ADAM10: variants seen among roughly 807,000 people sequenced by gnomAD.
ADAM10 encodes the protein disintegrin and metalloproteinase domain-containing protein 10.
ADAM10 carries 17 observed loss-of-function variants against 90.1 expected under a neutral mutation model. That is an observed-to-expected ratio of 0.19 (90% CI 0.13 to 0.28). The LOEUF (loss-of-function observed/expected upper bound fraction) is 0.28. Among genes scored for constraint, ADAM10 ranks in the 10% least tolerant of loss-of-function variants. The pLI is 1.00. For missense variants in ADAM10, 610 were observed against 914.3 expected (o/e 0.67, Z 4.29); for synonymous variants, 310 against 298.6 (o/e 1.04, Z -0.40).
chr15:58,633,162 G>T, intron 9 of ADAM10, 34 bp downstream of exon 9: 1 of 1,562,246 alleles, frequency 6.4e-7, no homozygotes, highest in Non-Finnish European at 8.8e-7. Context: ...AGACTAATAA[G>T]TATTTTTTAA....
intron 2 of ADAM10, among the ~76,000 whole-genome samples, chr15:58,701,872 G>A (rs1321023776): frequency 1.3e-5 from 2 of 152,126 alleles, no homozygotes; most frequent in Non-Finnish European, 2.9e-5. Context: ...TTGGGAGGAC[G>A]AGGTGGGCGG....
At chr15:58,608,634 A>G (rs373082049) in intron 14 of ADAM10, among the ~76,000 whole-genome samples, 64 of 152,354 alleles carry the variant, frequency 4.2e-4, no homozygotes, top group African/African-American at 1.4e-3. Flanking sequence ...TGTCTGATTA[A>G]TTAGTTCCAG....
chr15:58,644,958 G>A (rs575917516), intron 6 of ADAM10, among the ~76,000 whole-genome samples: 3 of 152,110 alleles, frequency 2.0e-5, no homozygotes, highest in East Asian at 1.9e-4. Context: ...AAAAGTATCC[G>A]TTTACCTAGC....
chr15:58,616,090 T>G (rs2141003561), intron 11 of ADAM10, among the ~76,000 whole-genome samples: 1 of 152,282 alleles, frequency 6.6e-6, no homozygotes, highest in Non-Finnish European at 1.5e-5. Context: ...ATAACAATTC[T>G]AAATCTATAT....
chr15:58,676,273 A>G (rs568612057), intron 4 of ADAM10: 1 of 455,842 alleles, frequency 2.2e-6, no homozygotes, highest in East Asian at 7.0e-5. Context: ...AAGTTTTCTA[A>G]GCCTCAGTTT....
In ADAM10 at chr15:58,599,671, A is replaced by G. The variant is rs755506481; in HGVS notation, c.2079T>C (p.Ala693=). 5.6e-6 allele frequency: 9 copies of G among 1,613,594 alleles called. No homozygotes were observed. The highest frequency in any genetic ancestry group is 7.6e-6 in the Non-Finnish European group (9 of 1,179,762). The stretch of plus-strand genomic sequence containing the variant: ...GAACACTGCATATCTTAATAAATCC[A>G]GCCATTAGCATGATCAGAGCAATTC... The part of the protein sequence containing the change: ...LMGIALIMLM[A]GFIKICSVHT... Residue 693 remains alanine, a synonymous_variant, in exon 15 of 16, where the codon GCT becomes GCC. Transcript: ENST00000260408.
At chr15:58,621,745 A>C in intron 10 of ADAM10, 124 bp from the exon 11 acceptor site, 4 of 1,222,264 alleles carry the variant, frequency 3.3e-6, no homozygotes, top group Non-Finnish European at 4.7e-6. Context: ...TAAGTAGAAC[A>C]AACTAGGAAT....
At chr15:58,665,060 C>T (rs746273343) in intron 5 of ADAM10, 37 bp downstream of exon 5, 2 of 1,439,460 alleles carry the variant, frequency 1.4e-6, no homozygotes, top group African/African-American at 1.4e-5. Flanking sequence ...AAATTCATTT[C>T]CATTTCCTAA....
chr15:58,597,894 A>C (rs1363162652), intron 15 of ADAM10, among the ~76,000 whole-genome samples: 1 of 152,134 alleles, frequency 6.6e-6, no homozygotes, highest in African/African-American at 2.4e-5. Context: ...TAATCAATAC[A>C]AAAATTACTA....
Position 58,597,489 on chromosome 15 carries a change from C to G in ADAM10, c.*58G>C, listed in dbSNP as rs749475715. The G allele has an allele frequency of 1.2e-6, 2 of 1,613,322 alleles. No homozygotes were observed. Among genetic ancestry groups the G allele is most frequent in the South Asian group, 1.1e-5 (1 of 90,884 alleles). On this transcript the variant is annotated 3_prime_UTR_variant, in exon 16 of 16. Transcript: ENST00000260408. ...GGAGATGATGACTTAATAGGTTTCT[C>G]TTTGGAGTGAAGTTTTCCCATTGTA...
intron 2 of ADAM10, among the ~76,000 whole-genome samples, chr15:58,697,900 C>CA (rs1265502039): frequency 6.6e-6 from 1 of 152,158 alleles, no homozygotes; most frequent in African/African-American, 2.4e-5. Flanking sequence ...CTGAGAAAAT[C>CA]AGACACTATT....
intron 2 of ADAM10, among the ~76,000 whole-genome samples, chr15:58,700,812 C>T (rs1397147398): frequency 6.6e-6 from 1 of 151,638 alleles, no homozygotes; most frequent in South Asian, 2.1e-4. Flanking sequence ...GCTAGGAGTT[C>T]GAGACCAGCA....
intron 3 of ADAM10, among the ~76,000 whole-genome samples, chr15:58,681,621 G>A (rs1361579430): frequency 2.6e-5 from 4 of 152,112 alleles, no homozygotes; most frequent in Non-Finnish European, 5.9e-5. Context: ...TTCTATAGTT[G>A]TTCTGTTCTT....
chr15:58,680,065 T>C (rs1468407203), intron 3 of ADAM10, among the ~76,000 whole-genome samples: 2 of 152,156 alleles, frequency 1.3e-5, no homozygotes, highest in Admixed American at 6.5e-5. Flanking sequence ...ATCCGATATA[T>C]TGTGCATGGG....
chr15:58,631,349 C>T (rs746053828), intron 9 of ADAM10, among the ~76,000 whole-genome samples: 8 of 152,086 alleles, frequency 5.3e-5, no homozygotes, highest in Admixed American at 5.2e-4. Context: ...TACGATTGAG[C>T]GTGGTAGGCA....
Position 58,591,552 on chromosome 15 carries a change from C to G in ADAM10, c.*5995G>C, listed in dbSNP as rs1298308536. 2 of 152,084 alleles carry G rather than the reference C, an allele frequency of 1.3e-5. No homozygotes were observed. Among genetic ancestry groups the G allele is most frequent in the Non-Finnish European group, 2.9e-5 (2 of 68,018 alleles). The allele number at this position is 152,084 out of a possible 1,614,324, so 9.4% of individuals were successfully genotyped here. On this transcript the variant is annotated 3_prime_UTR_variant, in exon 16 of 16. Transcript: ENST00000260408. ...TGTTGGGATTACAGGTATGAGCCATCACAACTGGCCACATTTTAAAACTTC... is the reference window on the plus strand; with the variant it reads ...TGTTGGGATTACAGGTATGAGCCATGACAACTGGCCACATTTTAAAACTTC...
At chr15:58,705,959 T>C (rs1184366957) in intron 2 of ADAM10, among the ~76,000 whole-genome samples, 1 of 152,218 alleles carries the variant, frequency 6.6e-6, no homozygotes, top group Non-Finnish European at 1.5e-5. Context: ...GGTATTTATG[T>C]AAAGGAAAAT....
intron 1 of ADAM10, among the ~76,000 whole-genome samples, chr15:58,738,974 C>G (rs1466625638): frequency 6.6e-6 from 1 of 152,122 alleles, no homozygotes; most frequent in Non-Finnish European, 1.5e-5. Flanking sequence ...TGTCCCACTC[C>G]CTGCATTTCA....
rs750555062 is a variant in ADAM10 at position 58,692,691 on chromosome 15, G to A, written c.207-10377C>T. 8 of 564,158 alleles carry A rather than the reference G, an allele frequency of 1.4e-5. No individual in the cohort carries two copies. The Admixed American group carries it at 1.5e-4, about 11-fold the overall frequency. 34.9% of individuals were successfully genotyped at this position (564,158 alleles called of 1,614,324 possible). A position where few individuals can be genotyped will look rare whatever the true frequency, so the allele number is the denominator to read the frequency against. On this transcript the variant is annotated intron_variant, in intron 2 of 15. Transcript: ENST00000260408. Reference sequence around the variant, plus strand: ...TATCCCTGTCAATGGGCTCACCATGGTCAACATGTAAAGTGAAGGAACTCC... The same window carrying A: ...TATCCCTGTCAATGGGCTCACCATGATCAACATGTAAAGTGAAGGAACTCC...
Sources: gnomAD v4.1 joint callset for allele counts (sites outside exome capture counted in the v4.1 genomes callset) on GRCh38, gnomAD v4.1.1 for gene constraint, MANE v1.5 for transcripts, NCBI Gene and HGNC (gene_info 2026-07-23, HGNC 2026-07-21) for gene names.